RALYL: variants seen among roughly 807,000 people sequenced by gnomAD.
The protein encoded by RALYL is RALY RNA binding protein like, also known as RNA-binding Raly-like protein.
Under a neutral mutation model 35.1 loss-of-function variants are expected in RALYL, and 29 were observed. That is an observed-to-expected ratio of 0.83 (90% confidence interval 0.61 to 1.13). The LOEUF (loss-of-function observed/expected upper bound fraction) is 1.13, where lower values mean the gene tolerates loss of function less well. Among genes scored for constraint, RALYL ranks in the 50% most tolerant of loss-of-function variants. The pLI is 0.00. For missense variants in RALYL, 359 were observed against 360.4 expected (o/e 1.00, Z 0.03); for synonymous variants, 120 against 127.6 (o/e 0.94, Z 0.40).
chr8:84,327,186 G>T (rs373378143), intron 1 of RALYL, among the ~76,000 whole-genome samples: 2 of 152,132 alleles, frequency 1.3e-5, no homozygotes, highest in East Asian at 1.9e-4. Context: ...GATTAACTCA[G>T]TTTGGGGTGG....
At chr8:84,565,842 A>T (rs1201846275) in intron 2 of RALYL, among the ~76,000 whole-genome samples, 1 of 151,642 alleles carries the variant, frequency 6.6e-6, no homozygotes, top group Non-Finnish European at 1.5e-5. Context: ...CCTCATTTGT[A>T]AAATGTGTTA....
chr8:84,682,356 A>T, intron 2 of RALYL, among the ~76,000 whole-genome samples: 1 of 152,174 alleles, frequency 6.6e-6, no homozygotes, highest in Non-Finnish European at 1.5e-5. Context: ...TGGCCTCATA[A>T]AATGAGTTAG....
intron 1 of RALYL, among the ~76,000 whole-genome samples, chr8:84,507,400 T>C (rs1025863499): frequency 6.6e-5 from 10 of 152,108 alleles, no homozygotes; most frequent in African/African-American, 2.4e-4. Flanking sequence ...TCAGTAGGTA[T>C]GCAGTTCTAA....
At chr8:84,308,299 C>T (rs1046285062) in intron 1 of RALYL, among the ~76,000 whole-genome samples, 2 of 152,000 alleles carry the variant, frequency 1.3e-5, no homozygotes, top group African/African-American at 4.8e-5. Context: ...GAAGCACATA[C>T]CAGAGTGAAA....
At chr8:84,643,985 C>A (rs1278928367) in intron 2 of RALYL, among the ~76,000 whole-genome samples, 1 of 151,972 alleles carries the variant, frequency 6.6e-6, no homozygotes, top group Non-Finnish European at 1.5e-5. Flanking sequence ...GCAGATGGGT[C>A]TCTAGGCATG....
At chr8:84,413,461 C>T (rs2044301513) in intron 1 of RALYL, among the ~76,000 whole-genome samples, 3 of 151,646 alleles carry the variant, frequency 2.0e-5, no homozygotes, top group African/African-American at 7.3e-5. Context: ...TTTACTGATA[C>T]CCAAATTCTA....
At chr8:84,471,243 T>C (rs1302693819) in intron 1 of RALYL, among the ~76,000 whole-genome samples, 1 of 152,112 alleles carries the variant, frequency 6.6e-6, no homozygotes, top group Non-Finnish European at 1.5e-5. Context: ...TGCAGGTTTT[T>C]AAAATTAGCT....
intron 4 of RALYL, among the ~76,000 whole-genome samples, chr8:84,838,357 A>T (rs1832466611): frequency 6.6e-6 from 1 of 152,174 alleles, no homozygotes; most frequent in Non-Finnish European, 1.5e-5. Context: ...TGGCAGGAAC[A>T]TTGGGGAAAC....
In RALYL at chr8:84,845,045, C is replaced by T. The variant is rs144477629; in HGVS notation, c.366-4935C>T. Among the ~76,000 whole-genome samples the T allele has an allele frequency of 3.9e-3, 599 of 152,180 alleles. 6 individuals are homozygous for T. Among genetic ancestry groups the T allele is most frequent in the African/African-American group, 0.014 (562 of 41,524 alleles). ...ATGACGAGTTAATGGGTGCAGCACA[C>T]CCACACGGCACATGTATATGTATGT... On this transcript the variant is annotated intron_variant, in intron 4 of 8. Coordinates refer to ENST00000521268, the MANE Select transcript of RALYL (RefSeq NM_173848.7).
chr8:84,613,623 T>A (rs1818798812), intron 2 of RALYL, among the ~76,000 whole-genome samples: 1 of 151,450 alleles, frequency 6.6e-6, no homozygotes, highest in African/African-American at 2.4e-5. Flanking sequence ...TAGGCAGAAA[T>A]TCAATGTAGA....
At chr8:84,233,828 G>A (rs1268051327) in intron 1 of RALYL, among the ~76,000 whole-genome samples, 1 of 151,938 alleles carries the variant, frequency 6.6e-6, no homozygotes, top group Non-Finnish European at 1.5e-5. Context: ...TCCTAACATT[G>A]CTACTTAAAT....
chr8:84,194,058 G>A (rs1586068593), intron 1 of RALYL, among the ~76,000 whole-genome samples: 2 of 152,130 alleles, frequency 1.3e-5, no homozygotes, highest in South Asian at 4.2e-4. Flanking sequence ...GGATAGGTTT[G>A]GTCAGAAAAG....
intron 2 of RALYL, among the ~76,000 whole-genome samples, chr8:84,559,430 T>C (rs944213449): frequency 6.6e-6 from 1 of 152,072 alleles, no homozygotes; most frequent in Non-Finnish European, 1.5e-5. Flanking sequence ...CTTTGTCCTT[T>C]GTTTATATAT....
At chr8:84,438,927 G>A (rs1308392128) in intron 1 of RALYL, among the ~76,000 whole-genome samples, 2 of 144,316 alleles carry the variant, frequency 1.4e-5, no homozygotes, top group African/African-American at 2.6e-5. Flanking sequence ...TCCCTATTAT[G>A]TTCCCTTGGT....
chr8:84,613,254 A>C (rs1818708997), intron 2 of RALYL, among the ~76,000 whole-genome samples: 1 of 151,718 alleles, frequency 6.6e-6, no homozygotes, highest in African/African-American at 2.4e-5. Context: ...AGTTTAACAC[A>C]GTAAACTTAG....
chr8:84,466,939 T>G (rs1276383545), intron 1 of RALYL, among the ~76,000 whole-genome samples: 1 of 152,116 alleles, frequency 6.6e-6, no homozygotes, highest in African/African-American at 2.4e-5. Context: ...TAGAGGTGTT[T>G]GTAGTATTCC....
At chr8:84,563,524 T>G (rs1020489537) in intron 2 of RALYL, among the ~76,000 whole-genome samples, 3 of 151,774 alleles carry the variant, frequency 2.0e-5, no homozygotes, top group African/African-American at 7.3e-5. Context: ...GGGGCAGATT[T>G]AGAGCCTTTA....
chr8:84,265,500 C>G (rs1039694478), intron 1 of RALYL, among the ~76,000 whole-genome samples: 4 of 152,114 alleles, frequency 2.6e-5, no homozygotes, highest in African/African-American at 9.7e-5. Context: ...AGGAAGGAGA[C>G]AGGGACCTCA....
chr8:84,186,089 GTTA>G (rs1227519217), intron 1 of RALYL, among the ~76,000 whole-genome samples: 1 of 152,144 alleles, frequency 6.6e-6, no homozygotes, highest in African/African-American at 2.4e-5. Flanking sequence ...ATGTATGTGA[GTTA>G]TTTTGTTCTC....
Sources: allele counts gnomAD v4.1 joint callset (sites outside exome capture counted in the v4.1 genomes callset), GRCh38; gene constraint gnomAD v4.1.1; transcripts MANE v1.5; gene names NCBI Gene and HGNC (gene_info 2026-07-23, HGNC 2026-07-21).